The following ANTXR1 variants were observed in gnomAD, a reference collection of about 807,000 sequenced individuals.
ANTXR1 encodes the protein anthrax toxin receptor 1.
A neutral mutation model predicts 78.1 loss-of-function variants in ANTXR1; 19 were observed. That is an observed-to-expected ratio of 0.24 (90% confidence interval 0.17 to 0.36). The LOEUF is 0.36. ANTXR1 is among the 10% of genes least tolerant of loss of function. The pLI is 1.00. For missense variants in ANTXR1, 518 were observed against 718.6 expected, an observed-to-expected ratio of 0.72 and a Z score of 3.19; for synonymous variants, 273 against 260.5, an observed-to-expected ratio of 1.05 and a Z score of -0.46.
intron 1 of ANTXR1, among the ~76,000 whole-genome samples, chr2:69,023,058 C>T (rs903402450): frequency 5.3e-5 from 8 of 152,320 alleles, no homozygotes; most frequent in Admixed American, 3.3e-4. Context: ...CTTAAGAAGG[C>T]CACCTTCGGA....
At chr2:69,036,605 A>T (rs1199988973) in intron 1 of ANTXR1, among the ~76,000 whole-genome samples, 1 of 152,196 alleles carries the variant, frequency 6.6e-6, no homozygotes, top group Non-Finnish European at 1.5e-5. Context: ...ATCATTAGAT[A>T]TCTCACCCTA....
chr2:69,126,684 A>G (rs1157996110), intron 12 of ANTXR1, among the ~76,000 whole-genome samples: 1 of 151,926 alleles, frequency 6.6e-6, no homozygotes, highest in Non-Finnish European at 1.5e-5. Flanking sequence ...AACTTGTGGT[A>G]TGGCAAATAC....
chr2:69,185,521 C>T (rs1442826840), intron 16 of ANTXR1, among the ~76,000 whole-genome samples: 1 of 140,382 alleles, frequency 7.1e-6, no homozygotes, highest in Non-Finnish European at 1.5e-5. Context: ...GCCTGGGCAA[C>T]AGGGCAAGAC....
At chr2:69,081,901 C>G (rs567175603) in intron 8 of ANTXR1, among the ~76,000 whole-genome samples, 39 of 152,324 alleles carry the variant, frequency 2.6e-4, no homozygotes, top group African/African-American at 8.9e-4. Context: ...GAAATCATTA[C>G]CCCTTTTATA....
intron 16 of ANTXR1, among the ~76,000 whole-genome samples, chr2:69,187,585 C>CTTTTTTTTTTTTTT (rs58660678): frequency 1.1e-5 from 1 of 94,898 alleles, no homozygotes; most frequent in African/African-American, 4.6e-5. Flanking sequence ...TCATGTATTT[C>CTTTTTTTTTTTTTT]TTTTTTTTTT....
At position 69,044,656 on chromosome 2, in the gene ANTXR1, G is replaced by A. The variant is rs1558740450; in HGVS notation, c.225-86G>A. 5.6e-6 allele frequency: 8 copies of A among 1,430,064 alleles called. No individual in the cohort carries two copies. In the East Asian group the frequency reaches 1.8e-4, roughly 33 times the overall value. The allele number at this position is 1,430,064 out of a possible 1,614,324, so 88.6% of individuals were successfully genotyped here. ...GTCTTCAGTTCTGGCAGCCGTGATA[G>A]AAAGGGAAGGACAGGGAGGGAGCCT... On this transcript the variant is annotated intron_variant, in intron 2 of 17. Coordinates refer to ENST00000303714, the MANE Select transcript of ANTXR1 (RefSeq NM_032208.3).
At position 69,073,009 on chromosome 2, in the gene ANTXR1, T is replaced by A; in HGVS notation, c.413-13T>A. 2 of 1,613,690 alleles carry A rather than the reference T, an allele frequency of 1.2e-6. No individual in the cohort carries two copies. The highest frequency in any genetic ancestry group is 1.7e-6 in the Non-Finnish European group (2 of 1,179,568). ...GCAGGGTGGACTGAGCCAGTCTGTA[T>A]TGTGTTAAACAGGGTACAGGACAGC... On this transcript the variant is annotated splice_polypyrimidine_tract_variant and intron_variant, in intron 5 of 17. Transcript: ENST00000303714.
intron 17 of ANTXR1, among the ~76,000 whole-genome samples, chr2:69,205,607 T>TTTA (rs71397322): frequency 3.8e-4 from 57 of 148,514 alleles, no homozygotes; most frequent in African/African-American, 1.4e-3. Context: ...TTTTTTTTTT[T>TTTA]AACTTTCCCT....
At chr2:69,242,610 C>T (rs1419452487) in intron 17 of ANTXR1, among the ~76,000 whole-genome samples, 1 of 152,238 alleles carries the variant, frequency 6.6e-6, no homozygotes, top group African/African-American at 2.4e-5. Flanking sequence ...CAACCCCAGG[C>T]ACCAGCAGCT....
At chr2:69,237,644 C>T (rs1675798747) in intron 17 of ANTXR1, among the ~76,000 whole-genome samples, 1 of 152,198 alleles carries the variant, frequency 6.6e-6, no homozygotes, top group Non-Finnish European at 1.5e-5. Flanking sequence ...TGGTCTCTAA[C>T]TCCTGGGCTA....
intron 16 of ANTXR1, among the ~76,000 whole-genome samples, chr2:69,190,710 T>C (rs1674525095): frequency 6.6e-6 from 1 of 152,210 alleles, no homozygotes. Context: ...CTGGCTTCAG[T>C]CACTTTGTGC....
At chr2:69,242,395 T>C (rs559050333) in intron 17 of ANTXR1, among the ~76,000 whole-genome samples, 1 of 152,286 alleles carries the variant, frequency 6.6e-6, no homozygotes, top group South Asian at 2.1e-4. Flanking sequence ...CTAACATGGA[T>C]TATGAACAGA....
At chr2:69,153,282 C>A (rs1558604199) in intron 13 of ANTXR1, among the ~76,000 whole-genome samples, 1 of 152,286 alleles carries the variant, frequency 6.6e-6, no homozygotes, top group Non-Finnish European at 1.5e-5. Flanking sequence ...GAGTTCACAT[C>A]TGTGTGTACA....
intron 10 of ANTXR1, chr2:69,103,395 C>T (rs936123532): frequency 4.3e-6 from 1 of 235,284 alleles, no homozygotes; most frequent in Non-Finnish European, 8.5e-6. Context: ...AAGGAATGGT[C>T]TAAATGCATT....
chr2:69,025,753 A>G (rs1199757797), intron 1 of ANTXR1, among the ~76,000 whole-genome samples: 1 of 152,234 alleles, frequency 6.6e-6, no homozygotes, highest in Non-Finnish European at 1.5e-5. Context: ...GTTAAAGTTC[A>G]TTGTTAACAG....
intron 12 of ANTXR1, 139 bp downstream of exon 12, chr2:69,124,782 A>G (rs1264519878): frequency 3.5e-6 from 3 of 849,030 alleles, no homozygotes; most frequent in Non-Finnish European, 5.8e-6. Context: ...TGATCCCAGC[A>G]CTGCTCCACC....
intron 13 of ANTXR1, among the ~76,000 whole-genome samples, chr2:69,156,143 TG>T (rs1290039217): frequency 6.6e-6 from 1 of 152,160 alleles, no homozygotes; most frequent in East Asian, 1.9e-4. Flanking sequence ...TTTAGCAAAC[TG>T]CTAACTTACC....
At chr2:69,233,955 G>T (rs1387218797) in intron 17 of ANTXR1, among the ~76,000 whole-genome samples, 1 of 151,940 alleles carries the variant, frequency 6.6e-6, no homozygotes, top group Non-Finnish European at 1.5e-5. Flanking sequence ...ATAAATCTAG[G>T]AATAAATGTT....
At chr2:69,152,111 A>T in intron 12 of ANTXR1, 58 bp from the exon 13 acceptor site, 1 of 1,517,692 alleles carries the variant, frequency 6.6e-7, no homozygotes, top group Non-Finnish European at 9.1e-7. Flanking sequence ...GAGTTTGGGG[A>T]GGGAAGATCA....
Sources: gnomAD v4.1 joint callset for allele counts (sites outside exome capture counted in the v4.1 genomes callset) on GRCh38, gnomAD v4.1.1 for gene constraint, MANE v1.5 for transcripts, NCBI Gene and HGNC (gene_info 2026-07-23, HGNC 2026-07-21) for gene names.